COQ3: variants seen among roughly 807,000 people sequenced by gnomAD.
COQ3 encodes coenzyme Q3, methyltransferase.
A neutral mutation model predicts 33.1 loss-of-function variants in COQ3; 29 were observed. The observed-to-expected ratio is 0.88, with a 90% CI of 0.65 to 1.19. COQ3 has a LOEUF of 1.19. Ranked by LOEUF, COQ3 falls within the 50% of genes most tolerant of loss-of-function variation. The pLI is 0.00. For missense variants in COQ3, 437 were observed against 430.7 expected (o/e 1.01, Z -0.13); for synonymous variants, 173 against 157.8 (o/e 1.10, Z -0.72).
At chr6:99,388,301 T>C (rs140428716) in intron 1 of COQ3, among the ~76,000 whole-genome samples, 3 of 152,350 alleles carry the variant, frequency 2.0e-5, no homozygotes, top group South Asian at 2.1e-4. Context: ...TACTTTATCA[T>C]TTTAAATCAT....
rs868002739 is a variant in COQ3 at position 99,377,395 on chromosome 6, CA to C, written c.476del (p.Leu159ArgfsTer2). The C allele has an allele frequency of 6.2e-7, 1 of 1,612,600 alleles. No homozygotes were observed. Among genetic ancestry groups the C allele is most frequent in the African/African-American group, 1.3e-5 (1 of 74,850 alleles). ...KILDVGCGGG[L>X]LTEPLGRLGA... Reference sequence around the variant, plus strand: ...GAAAGCTGTCACTTACTTCAGTTAACAGCCCACCACCACAGCCAACGTCAAG... The same window carrying C: ...GAAAGCTGTCACTTACTTCAGTTAACGCCCACCACCACAGCCAACGTCAAG... On this transcript the variant is annotated frameshift_variant, in exon 4 of 7. Transcript: ENST00000254759. LOFTEE classifies it high-confidence loss of function.
At chr6:99,385,770 A>G (rs1474766453) in intron 1 of COQ3, among the ~76,000 whole-genome samples, 1 of 152,032 alleles carries the variant, frequency 6.6e-6, no homozygotes, top group African/African-American at 2.4e-5. Context: ...TGAGGTCAGG[A>G]GTTCAAGACC....
intron 1 of COQ3, 107 bp downstream of exon 1, chr6:99,393,967 C>T (rs1438075479): frequency 8.0e-6 from 7 of 871,994 alleles, no homozygotes; most frequent in Non-Finnish European, 1.3e-5. Flanking sequence ...TCGCGCTGAC[C>T]CCTCGCGAGG....
intron 1 of COQ3, among the ~76,000 whole-genome samples, chr6:99,390,070 G>A (rs1034532704): frequency 2.0e-5 from 3 of 152,122 alleles, no homozygotes; most frequent in Non-Finnish European, 4.4e-5. Context: ...GCAAGATCAC[G>A]CCACCGCACT....
At chr6:99,372,128 C>T (rs543955382) in intron 5 of COQ3, among the ~76,000 whole-genome samples, 9 of 151,956 alleles carry the variant, frequency 5.9e-5, no homozygotes, top group Non-Finnish European at 1.3e-4. Context: ...AGTGGCCGGC[C>T]GTGGTGACTT....
At chr6:99,387,856 A>T (rs777979784) in intron 1 of COQ3, among the ~76,000 whole-genome samples, 1 of 152,188 alleles carries the variant, frequency 6.6e-6, no homozygotes, top group Non-Finnish European at 1.5e-5. Context: ...TGGAAATAAT[A>T]AGTGAATTCA....
intron 1 of COQ3, among the ~76,000 whole-genome samples, chr6:99,388,692 A>T (rs572723575): frequency 2.6e-5 from 4 of 151,978 alleles, no homozygotes; most frequent in African/African-American, 9.6e-5. Flanking sequence ...TACTAAAAAT[A>T]AAAAAATTAG....
intron 4 of COQ3, 44 bp downstream of exon 4, chr6:99,377,342 A>AT (rs778726240): frequency 4.4e-6 from 6 of 1,360,254 alleles, no homozygotes; most frequent in East Asian, 4.6e-5. Context: ...CTACTTCTTA[A>AT]TTTTTTTCTC....
intron 3 of COQ3, among the ~76,000 whole-genome samples, chr6:99,378,139 TATATATATATATATATATTTAG>T (rs1379837324): frequency 1.3e-4 from 4 of 30,482 alleles, no homozygotes; most frequent in Non-Finnish European, 4.0e-4. Context: ...TATATATATA[TATATATATATATATATATTTAG>T]AGAGAGAGAG....
At chr6:99,384,151 T>C (rs1203300456) in intron 1 of COQ3, among the ~76,000 whole-genome samples, 1 of 152,182 alleles carries the variant, frequency 6.6e-6, no homozygotes, top group Non-Finnish European at 1.5e-5. Flanking sequence ...GGGATACTCC[T>C]GTCTCAACCT....
intron 1 of COQ3, among the ~76,000 whole-genome samples, chr6:99,389,459 A>C (rs1019419447): frequency 4.6e-5 from 7 of 152,080 alleles, no homozygotes; most frequent in African/African-American, 1.7e-4. Flanking sequence ...TTGTGTCTTA[A>C]ATTATTTCAA....
At chr6:99,373,078 C>CT (rs1325483536) in intron 5 of COQ3, among the ~76,000 whole-genome samples, 1 of 152,124 alleles carries the variant, frequency 6.6e-6, no homozygotes, top group Non-Finnish European at 1.5e-5. Context: ...TCTAAAATAT[C>CT]TTTTTTTCCC....
intron 5 of COQ3, among the ~76,000 whole-genome samples, chr6:99,373,569 A>G (rs371367253): frequency 2.0e-5 from 3 of 152,192 alleles, no homozygotes; most frequent in African/African-American, 7.2e-5. Flanking sequence ...TAAACCCTAC[A>G]ATGCCAGCAT....
Position 99,380,247 on chromosome 6 carries a change from C to T in COQ3, c.328G>A (p.Glu110Lys). 6.2e-7 allele frequency: 1 copy of T among 1,614,080 alleles called. No homozygotes were observed. The highest frequency in any genetic ancestry group is 8.5e-7 in the Non-Finnish European group (1 of 1,180,008). The change falls in exon 3 of 7, where the codon GAA becomes AAA. Residue 110 changes from glutamate (E) to lysine (K), a missense_variant. Coordinates refer to ENST00000254759, the MANE Select transcript of COQ3 (RefSeq NM_017421.4). ...TGAAGAGGTGCATATACTCCTTGTT[C>T]ATCCCACCATTTGTGAGCCAGGGCC... ...FLALAHKWWD[E>K]QGVYAPLHSM... is the part of the protein sequence containing the mutation.
At chr6:99,384,240 A>T (rs773090494) in intron 1 of COQ3, among the ~76,000 whole-genome samples, 7 of 152,204 alleles carry the variant, frequency 4.6e-5, no homozygotes, top group Non-Finnish European at 8.8e-5. Flanking sequence ...ATTGATAAAC[A>T]AAGGGTTTTT....
At chr6:99,378,710 T>G (rs1299902995) in intron 3 of COQ3, among the ~76,000 whole-genome samples, 1 of 152,160 alleles carries the variant, frequency 6.6e-6, no homozygotes, top group Non-Finnish European at 1.5e-5. Flanking sequence ...TGAGACCCAG[T>G]GTTCTAGCTT....
chr6:99,391,329 C>T (rs985048236), intron 1 of COQ3, among the ~76,000 whole-genome samples: 1 of 151,576 alleles, frequency 6.6e-6, no homozygotes, highest in East Asian at 1.9e-4. Flanking sequence ...GTTTCAAACT[C>T]CTGAGCTCAA....
Position 99,380,331 on chromosome 6 carries a change from C to T in COQ3, c.244G>A (p.Ala82Thr). 1 of 1,613,188 alleles carries T rather than the reference C, an allele frequency of 6.2e-7. No homozygotes were observed. The highest frequency in any genetic ancestry group is 8.5e-7 in the Non-Finnish European group (1 of 1,179,666). Residue 82 changes from alanine to threonine, a missense_variant, in exon 3 of 7, where the codon GCG becomes ACG. Physicochemically the swap from Ala to Thr is moderately conservative, Grantham distance 58 (BLOSUM62 0). Coordinates refer to ENST00000254759, the MANE Select transcript of COQ3 (RefSeq NM_017421.4). ...NRIKSFRYPW[A>T]RLYSTSQTTV... ...GTTTGGGAAGTACTGTACAGTCTCGCCCAAGGGTACCTAAAAGGTGAAAAT... is the reference window on the plus strand; with the variant it reads ...GTTTGGGAAGTACTGTACAGTCTCGTCCAAGGGTACCTAAAAGGTGAAAAT...
chr6:99,371,492 T>C lies in COQ3; in HGVS notation c.825A>G (p.Pro275=). The C allele has an allele frequency of 6.2e-7, 1 of 1,606,348 alleles. No individual in the cohort carries two copies. Among genetic ancestry groups the C allele is most frequent in the Non-Finnish European group, 8.5e-7 (1 of 1,174,884 alleles). ...ACTTCTCCCATGTATGAGTACCTTT[T>C]GGTACAATACTTGCAATTTGCTCTG... ...VFSEQIASIV[P]KGTHTWEKFV... is the part of the protein sequence containing the mutation. Residue 275 remains proline (P), a synonymous_variant, in exon 6 of 7, where the codon CCA becomes CCG. Coordinates refer to ENST00000254759, the MANE Select transcript of COQ3 (RefSeq NM_017421.4).
Sources: allele counts gnomAD v4.1 joint callset (sites outside exome capture counted in the v4.1 genomes callset), GRCh38; gene constraint gnomAD v4.1.1; transcripts MANE v1.5; gene names NCBI Gene and HGNC (gene_info 2026-07-23, HGNC 2026-07-21).